Variants in GSE1 observed in about 807,000 individuals in gnomAD.
The protein encoded by GSE1 is Gse1 coiled-coil protein, also known as genetic suppressor element 1.
GSE1 carries 32 observed loss-of-function variants against 112.6 expected under a neutral mutation model. The observed-to-expected ratio is 0.28, with a 90% CI of 0.21 to 0.38. The LOEUF (loss-of-function observed/expected upper bound fraction) is 0.38. GSE1 is among the 10% of genes least tolerant of loss of function. GSE1 has a pLI of 1.00. For synonymous variants in GSE1, 1,115 were observed against 735.6 expected, an observed-to-expected ratio of 1.52 and a Z score of -8.35; for missense variants, 2,348 against 1,699.2, an observed-to-expected ratio of 1.38 and a Z score of -6.71.
At chr16:85,653,620 G>A (rs572375119) in intron 3 of GSE1, among the ~76,000 whole-genome samples, 5 of 152,008 alleles carry the variant, frequency 3.3e-5, no homozygotes, top group South Asian at 2.1e-4. Flanking sequence ...CTGCCCCACC[G>A]TGTGTGTGAA....
intron 2 of GSE1, among the ~76,000 whole-genome samples, chr16:85,407,915 T>C (rs1281449677): frequency 2.5e-5 from 1 of 40,522 alleles, no homozygotes; most frequent in Non-Finnish European, 4.8e-5. Context: ...TGGATAATCC[T>C]CACCGTTACT....
chr16:85,587,088 A>G (rs2046734471), intron 1 of GSE1, among the ~76,000 whole-genome samples: 1 of 151,764 alleles, frequency 6.6e-6, no homozygotes, highest in Non-Finnish European at 1.5e-5. Context: ...TGGAGGAGAC[A>G]ATAGTAGGAT....
chr16:85,448,131 C>T (rs538638701), intron 2 of GSE1, among the ~76,000 whole-genome samples: 2 of 152,348 alleles, frequency 1.3e-5, no homozygotes, highest in East Asian at 1.9e-4. Context: ...GCCCGCATCA[C>T]CTTCTCTGGA....
At chr16:85,551,114 G>A (rs1406121618), upstream of GSE1, among the ~76,000 whole-genome samples, 4 of 152,184 alleles carry the variant, frequency 2.6e-5, no homozygotes, top group African/African-American at 9.7e-5. Flanking sequence ...GGTCTGGGTG[G>A]TCCAGCCTGC....
chr16:85,460,536 G>A (rs1166627971), intron 2 of GSE1, among the ~76,000 whole-genome samples: 2 of 152,224 alleles, frequency 1.3e-5, no homozygotes, highest in African/African-American at 2.4e-5. Flanking sequence ...CCAGCACTTC[G>A]TTTCAAAAGT....
At chr16:85,498,020 C>T (rs890562426) in intron 2 of GSE1, among the ~76,000 whole-genome samples, 4 of 152,032 alleles carry the variant, frequency 2.6e-5, no homozygotes, top group African/African-American at 9.7e-5. Flanking sequence ...TGCCTGTGTG[C>T]TCCGCAGGAG....
At chr16:85,571,290 AATGTGGTGGCCACTAGC>A (rs2045969955) in intron 1 of GSE1, among the ~76,000 whole-genome samples, 1 of 152,338 alleles carries the variant, frequency 6.6e-6, no homozygotes, top group Admixed American at 6.5e-5. Context: ...TGCACCGCCT[AATGTGGTGGCCACTAGC>A]ATAGATCCGT....
At chr16:85,518,514 A>C (rs149496485) in intron 2 of GSE1, among the ~76,000 whole-genome samples, 1 of 152,110 alleles carries the variant, frequency 6.6e-6, no homozygotes, top group African/African-American at 2.4e-5. Flanking sequence ...TGGGCTGCTG[A>C]AGGGGCCTTC....
intron 1 of GSE1, among the ~76,000 whole-genome samples, chr16:85,182,070 G>C (rs1231004695): frequency 6.6e-6 from 1 of 152,188 alleles, no homozygotes; most frequent in Non-Finnish European, 1.5e-5. Flanking sequence ...CTGCTTCCAG[G>C]CTGCGCGGCA....
chr16:85,239,625 G>A (rs1905012534), intron 1 of GSE1, among the ~76,000 whole-genome samples: 2 of 152,196 alleles, frequency 1.3e-5, no homozygotes, highest in African/African-American at 2.4e-5. Context: ...GGCTGGGAGA[G>A]GTGAGAGCTG....
chr16:85,660,359 G>A (rs1166391039), intron 8 of GSE1, among the ~76,000 whole-genome samples: 3 of 152,182 alleles, frequency 2.0e-5, no homozygotes, highest in Non-Finnish European at 2.9e-5. Flanking sequence ...TTGGAGGGCC[G>A]GGCACAGTGG....
chr16:85,671,213 G>C, intron 15 of GSE1, 115 bp downstream of exon 15: 1 of 582,928 alleles, frequency 1.7e-6, no homozygotes, highest in East Asian at 3.2e-5. Flanking sequence ...ATCAAAATTT[G>C]GCGGATCACG....
chr16:85,652,561 G>GGCA (rs2051459240), intron 3 of GSE1, among the ~76,000 whole-genome samples: 1 of 151,640 alleles, frequency 6.6e-6, no homozygotes, highest in Non-Finnish European at 1.5e-5. Context: ...CGGCGGCGGC[G>GGCA]GCGGCTCCTC....
At chr16:85,643,370 C>T (rs1215041175) in intron 2 of GSE1, among the ~76,000 whole-genome samples, 4 of 152,190 alleles carry the variant, frequency 2.6e-5, no homozygotes, top group Admixed American at 1.3e-4. Context: ...GGGCATCGAT[C>T]GAGGCTGAGC....
chr16:85,573,926 C>T (rs2046112840), intron 1 of GSE1, among the ~76,000 whole-genome samples: 1 of 152,234 alleles, frequency 6.6e-6, no homozygotes, highest in Non-Finnish European at 1.5e-5. Context: ...ACAGCTGCCA[C>T]CCTCCTTGTG....
intron 2 of GSE1, among the ~76,000 whole-genome samples, chr16:85,534,271 G>A (rs1045977205): frequency 8.6e-5 from 13 of 151,778 alleles, no homozygotes; most frequent in East Asian, 1.9e-4. Context: ...ACAGGTGTGC[G>A]CCACCACACC....
chr16:85,553,421 G>A (rs1418600072), upstream of GSE1, among the ~76,000 whole-genome samples: 1 of 151,734 alleles, frequency 6.6e-6, no homozygotes, highest in African/African-American at 2.4e-5. Context: ...GCGCGGGGCG[G>A]AGCAGCCAGA....
upstream of GSE1, among the ~76,000 whole-genome samples, chr16:85,607,755 C>A (rs376347012): frequency 2.1e-4 from 32 of 152,326 alleles, 2 homozygotes; most frequent in East Asian, 2.7e-3. Flanking sequence ...AGCCTTTATC[C>A]AATCAGCAGA....
intron 1 of GSE1, among the ~76,000 whole-genome samples, chr16:85,243,189 T>C (rs934178944): frequency 2.6e-5 from 4 of 152,230 alleles, no homozygotes; most frequent in Non-Finnish European, 5.9e-5. Flanking sequence ...CTGATACAAA[T>C]GACCACACAC....
Sources: gnomAD v4.1 joint callset for allele counts (sites outside exome capture counted in the v4.1 genomes callset) on GRCh38, gnomAD v4.1.1 for gene constraint, MANE v1.5 for transcripts, NCBI Gene and HGNC (gene_info 2026-07-23, HGNC 2026-07-21) for gene names.